AAK1: variants seen among roughly 807,000 people sequenced by gnomAD.
The protein encoded by AAK1 is AP2-associated protein kinase 1.
A neutral mutation model predicts 116.0 loss-of-function variants in AAK1; 37 were observed. The observed-to-expected ratio is 0.32, with a 90% CI of 0.25 to 0.42. The LOEUF is 0.42. AAK1 is among the 10% of genes least tolerant of loss of function. The pLI is 1.00. For synonymous variants in AAK1, 458 were observed against 439.9 expected, an observed-to-expected ratio of 1.04 and a Z score of -0.51; for missense variants, 919 against 1,170.6, an observed-to-expected ratio of 0.79 and a Z score of 3.14.
chr2:69,534,756 C>T (rs1001798029), intron 5 of AAK1, among the ~76,000 whole-genome samples: 1 of 152,230 alleles, frequency 6.6e-6, no homozygotes, highest in African/African-American at 2.4e-5. Context: ...TGAGCTCTGA[C>T]AGCAGAGTGA....
intron 2 of AAK1, among the ~76,000 whole-genome samples, chr2:69,584,912 CT>C (rs1358989421): frequency 6.6e-6 from 1 of 152,216 alleles, no homozygotes; most frequent in Non-Finnish European, 1.5e-5. Flanking sequence ...CTAAAAATCA[CT>C]GTTCCCTTTG....
chr2:69,491,539 C>G (rs987668552), intron 17 of AAK1, among the ~76,000 whole-genome samples: 5 of 152,170 alleles, frequency 3.3e-5, no homozygotes, highest in African/African-American at 7.2e-5. Context: ...CATAGTTTGA[C>G]AATCACTGTA....
At chr2:69,479,169 C>T in intron 19 of AAK1, 108 bp from the exon 20 acceptor site, 1 of 759,604 alleles carries the variant, frequency 1.3e-6, no homozygotes, top group Non-Finnish European at 2.2e-6. Context: ...TTACACGTTA[C>T]ACATAAAAGC....
rs145727173 is a variant in AAK1 at position 69,554,606 on chromosome 2, G to C, written c.282+2254C>G. Among the ~76,000 whole-genome samples the C allele has an allele frequency of 2.8e-3, 426 of 152,314 alleles. 1 individual carries two copies. Among genetic ancestry groups the C allele is most frequent in the African/African-American group, 9.9e-3 (413 of 41,572 alleles). ...GGGGAGAGAGGCAAGCAGCAAGTAA[G>C]TGACAGTTACGTCTTTACTTCCCAT... On this transcript the variant is annotated intron_variant, in intron 3 of 21. Transcript: ENST00000409085.
intron 21 of AAK1, among the ~76,000 whole-genome samples, chr2:69,476,590 T>C (rs1476061196): frequency 2.0e-5 from 3 of 152,208 alleles, no homozygotes; most frequent in African/African-American, 7.2e-5. Flanking sequence ...GTGCTTTTGA[T>C]ATATACCTTC....
At chr2:69,606,089 C>T (rs149825811) in intron 2 of AAK1, among the ~76,000 whole-genome samples, 60 of 152,282 alleles carry the variant, frequency 3.9e-4, no homozygotes, top group African/African-American at 1.3e-3. Context: ...CTATGTCTAA[C>T]CTTCTCTCCC....
At chr2:69,513,496 T>C (rs1676470033) in intron 13 of AAK1, among the ~76,000 whole-genome samples, 1 of 152,108 alleles carries the variant, frequency 6.6e-6, no homozygotes, top group African/African-American at 2.4e-5. Context: ...ATTTTTTTTT[T>C]GTATTTTTAG....
At chr2:69,583,692 T>C (rs1572978974) in intron 2 of AAK1, among the ~76,000 whole-genome samples, 1 of 152,334 alleles carries the variant, frequency 6.6e-6, no homozygotes, top group East Asian at 1.9e-4. Context: ...TCTCTTCACC[T>C]GCCACTTTCT....
intron 2 of AAK1, among the ~76,000 whole-genome samples, chr2:69,573,792 G>A (rs867356751): frequency 2.0e-5 from 3 of 151,962 alleles, no homozygotes; most frequent in Non-Finnish European, 2.9e-5. Flanking sequence ...TTGAGGTCAG[G>A]AGTTCGAGAC....
At chr2:69,540,960 G>A (rs6744728) in intron 5 of AAK1, among the ~76,000 whole-genome samples, 19,090 of 152,044 alleles carry the variant, frequency 0.13, 3,598 homozygotes, top group African/African-American at 0.41. Context: ...TAACATTGAC[G>A]AACCTTGAAA....
intron 2 of AAK1, among the ~76,000 whole-genome samples, chr2:69,599,379 T>TAAAAATTTAAAAATTTAA (rs1673454042): frequency 1.3e-4 from 13 of 103,562 alleles, no homozygotes; most frequent in African/African-American, 4.0e-4. Flanking sequence ...TAGTTCTGTG[T>TAAAAATTTAAAAATTTAA]AAAAAAAAAA....
chr2:69,545,041 G>C (rs1670868865), intron 3 of AAK1, among the ~76,000 whole-genome samples: 1 of 150,974 alleles, frequency 6.6e-6, no homozygotes, highest in South Asian at 2.1e-4. Context: ...AAAAAAAAAA[G>C]CTATTTACAA....
Position 69,573,971 on chromosome 2 carries a change from G to A in AAK1, c.164-16993C>T, listed in dbSNP as rs1447753928. On this transcript the variant is annotated intron_variant, in intron 2 of 21. Transcript: ENST00000409085. ...GATCATGCCACTGCACTCCAGCCTGGGTGACAGAGCAAGACTCCATCTCAA... is the reference window on the plus strand; with the variant it reads ...GATCATGCCACTGCACTCCAGCCTGAGTGACAGAGCAAGACTCCATCTCAA... Among the ~76,000 whole-genome samples, 3 of 151,494 alleles carry A rather than the reference G, an allele frequency of 2.0e-5. No individual in the cohort carries two copies. The East Asian group carries it at 5.8e-4, about 29-fold the overall frequency.
intron 16 of AAK1, among the ~76,000 whole-genome samples, chr2:69,497,988 A>C (rs1675816671): frequency 1.3e-5 from 2 of 150,678 alleles, no homozygotes. Flanking sequence ...CTGGGACCCC[A>C]CCCACACCCT....
rs150421832 is a variant in AAK1, at chr2:69,507,428, A to G, written c.2157T>C (p.Leu719=). The G allele has an allele frequency of 6.2e-7, 1 of 1,612,332 alleles. No individual in the cohort carries two copies. Residue 719 remains leucine (L), a synonymous_variant, in exon 15 of 22, where the codon CTT becomes CTC. Coordinates refer to ENST00000409085, the MANE Select transcript of AAK1 (RefSeq NM_014911.5). The part of the protein sequence containing the change: ...EELLNKDFAK[L]GEGKHPEKLG... Reference sequence around the variant, plus strand: ...AAGACACAGCTTACTCACCTTCCCCAAGCTTGGCAAAGTCCTTGTTTAGCA... The same window carrying G: ...AAGACACAGCTTACTCACCTTCCCCGAGCTTGGCAAAGTCCTTGTTTAGCA...
At chr2:69,507,657 T>C (rs1267583396) in intron 14 of AAK1, 79 bp from the exon 15 acceptor site, 16 of 1,317,720 alleles carry the variant, frequency 1.2e-5, no homozygotes, top group East Asian at 2.6e-5. Flanking sequence ...ATTTTCTCTG[T>C]TTCAGAATCA....
At chr2:69,570,503 GC>G (rs1672052157) in intron 2 of AAK1, among the ~76,000 whole-genome samples, 1 of 151,896 alleles carries the variant, frequency 6.6e-6, no homozygotes, top group Non-Finnish European at 1.5e-5. Context: ...ACTCTTTTCT[GC>G]CGTAGAAATG....
At chr2:69,587,863 T>G (rs1241426116) in intron 2 of AAK1, among the ~76,000 whole-genome samples, 1 of 151,996 alleles carries the variant, frequency 6.6e-6, no homozygotes, top group Non-Finnish European at 1.5e-5. Context: ...CTTCCTACCT[T>G]GGCCTCCCAA....
chr2:69,465,391 T>C lies in AAK1; in HGVS notation c.*10478A>G, dbSNP rs77961083. On this transcript the variant is annotated 3_prime_UTR_variant, in exon 22 of 22. Transcript: ENST00000409085. Reference sequence around the variant, plus strand: ...GCCATGGCGGGTATTGAGGGTGGGATAGAGACAAGAGGCTTGAGGCTCAGG... The same window carrying C: ...GCCATGGCGGGTATTGAGGGTGGGACAGAGACAAGAGGCTTGAGGCTCAGG... 18,501 of 1,251,330 alleles carry C rather than the reference T, an allele frequency of 0.015. 956 individuals are homozygous for C. The East Asian group carries it at 0.18, about 12-fold the overall frequency. 77.5% of individuals were successfully genotyped at this position (1,251,330 alleles called of 1,614,324 possible). A position where few individuals can be genotyped will look rare whatever the true frequency, so the allele number is the denominator to read the frequency against.
Sources: gnomAD v4.1 joint callset for allele counts (sites outside exome capture counted in the v4.1 genomes callset) on GRCh38, gnomAD v4.1.1 for gene constraint, MANE v1.5 for transcripts, NCBI Gene and HGNC (gene_info 2026-07-23, HGNC 2026-07-21) for gene names.